Variants in ESYT2 observed in about 807,000 individuals in gnomAD.
The protein encoded by ESYT2 is extended synaptotagmin 2.
A neutral mutation model predicts 107.2 loss-of-function variants in ESYT2; 54 were observed. The observed-to-expected ratio is 0.50, with a 90% CI of 0.40 to 0.63. The LOEUF is 0.63. ESYT2 is among the 30% of genes least tolerant of loss of function. The probability of loss-of-function intolerance (pLI) is 0.00; values close to 1 mark genes in which losing one functional copy is unlikely to be tolerated. For missense variants in ESYT2, 1,020 were observed against 1,094.5 expected, an observed-to-expected ratio of 0.93 and a Z score of 0.96; for synonymous variants, 491 against 434.1, an observed-to-expected ratio of 1.13 and a Z score of -1.63.
chr7:158,795,530 A>G (rs1003439632), intron 3 of ESYT2, among the ~76,000 whole-genome samples: 1 of 152,196 alleles, frequency 6.6e-6, no homozygotes, highest in African/African-American at 2.4e-5. Flanking sequence ...TCACCTGGCT[A>G]AAGGGCTGTA....
At chr7:158,740,785 G>A (rs534668396) in intron 18 of ESYT2, among the ~76,000 whole-genome samples, 2 of 152,150 alleles carry the variant, frequency 1.3e-5, no homozygotes, top group Non-Finnish European at 2.9e-5. Context: ...TGGCTCAGAG[G>A]AGGGCGGCTG....
chr7:158,802,894 C>T (rs553614227), intron 1 of ESYT2, among the ~76,000 whole-genome samples: 10 of 152,334 alleles, frequency 6.6e-5, no homozygotes, highest in African/African-American at 2.2e-4. Flanking sequence ...ACTTGCCAAT[C>T]AAGTTCATTT....
rs1837208293 is a variant in ESYT2, at chr7:158,741,583, G to A, written c.2108C>T (p.Ser703Leu). 3 of 1,609,924 alleles carry A rather than the reference G, an allele frequency of 1.9e-6. No homozygotes were observed. The highest frequency in any genetic ancestry group is 2.5e-6 in the Non-Finnish European group (3 of 1,179,872). ...SVKEPTPSIA[S>L]DISLPIATQE... ...GGTGGCGATGGGCAGCGAGATGTCC[G>A]AGGCGATGCTGGGGGTCGGCTCCTT... Residue 703 changes from serine to leucine, a missense_variant, in exon 18 of 23, where the codon TCG (serine) becomes TTG (leucine). Physicochemically the swap from Ser to Leu is moderately radical, Grantham distance 145. Coordinates refer to ENST00000275418, the MANE Select transcript of ESYT2 (RefSeq NM_001367773.1).
At chr7:158,822,201 G>A (rs1283070497) in intron 1 of ESYT2, among the ~76,000 whole-genome samples, 1 of 152,046 alleles carries the variant, frequency 6.6e-6, no homozygotes, top group Non-Finnish European at 1.5e-5. Context: ...TGCAAGAGAC[G>A]ACAAAAGACC....
At chr7:158,756,142 T>A (rs567231260) in intron 13 of ESYT2, among the ~76,000 whole-genome samples, 7 of 152,198 alleles carry the variant, frequency 4.6e-5, no homozygotes, top group South Asian at 4.1e-4. Context: ...GAAATAGAAA[T>A]GAAAACTCTA....
At chr7:158,813,265 G>C (rs1236422259) in intron 1 of ESYT2, among the ~76,000 whole-genome samples, 1 of 152,202 alleles carries the variant, frequency 6.6e-6, no homozygotes, top group East Asian at 1.9e-4. Flanking sequence ...CAGACGGACA[G>C]GAAGAGTTGA....
Position 158,829,281 on chromosome 7 carries a change from C to A in ESYT2, c.138G>T (p.Leu46=). The change falls in exon 1 of 23, where the codon CTG becomes CTT. Residue 46 remains leucine, a synonymous_variant. Transcript: ENST00000275418. ...AGCCCAGCGCGTACACGGGCAGCAG[C>A]AGCGCGAAGCTCCGCGCCAGCTGCG... ...LLAQLARSFA[L]LLPVYALGYL... The A allele has an allele frequency of 2.6e-6, 4 of 1,516,286 alleles. No homozygotes were observed. Among genetic ancestry groups the A allele is most frequent in the Non-Finnish European group, 3.5e-6 (4 of 1,140,978 alleles). The allele number at this position is 1,516,286 out of a possible 1,614,324, so 93.9% of individuals were successfully genotyped here.
intron 4 of ESYT2, among the ~76,000 whole-genome samples, chr7:158,789,773 G>A (rs1368491069): frequency 6.6e-6 from 1 of 152,212 alleles, no homozygotes; most frequent in Non-Finnish European, 1.5e-5. Context: ...TATTTGTTCA[G>A]AGACATAAAT....
At chr7:158,749,944 T>C (rs1247117346) in intron 14 of ESYT2, among the ~76,000 whole-genome samples, 1 of 152,214 alleles carries the variant, frequency 6.6e-6, no homozygotes, top group African/African-American at 2.4e-5. Flanking sequence ...GGTTAGAGTC[T>C]GGTATTTTTA....
At chr7:158,775,412 A>G (rs1838527491) in intron 6 of ESYT2, among the ~76,000 whole-genome samples, 1 of 152,174 alleles carries the variant, frequency 6.6e-6, no homozygotes, top group South Asian at 2.1e-4. Context: ...TTACCCACAG[A>G]ACAGCTTTCA....
In ESYT2 at chr7:158,797,865, A is replaced by AG. The variant is rs11435272; in HGVS notation, c.507+76_507+77insC. On this transcript the variant is annotated intron_variant, in intron 3 of 22. Transcript: ENST00000275418. ...CGAGACTCCGTCTCAAGAAAAAAAA[A>AG]AAAAGAAAATGTGTTGTTTTGTGTT... The AG allele has an allele frequency of 1.4e-3, 2,173 of 1,558,174 alleles. 32 individuals are homozygous for AG. In the African/African-American group the frequency reaches 0.026, roughly 19 times the overall value.
In ESYT2 at chr7:158,743,697, A is replaced by C. The variant is rs2305477; in HGVS notation, c.1645-19T>G. 0.18 allele frequency: 280,300 copies of C among 1,562,858 alleles called. 32,774 individuals carry two copies. The highest frequency in any genetic ancestry group is 0.56 in the East Asian group (23,927 of 42,894). On this transcript the variant is annotated intron_variant, in intron 16 of 22. Transcript: ENST00000275418. ...CTCTGACCTGCAAAACACAGGGTGGAAACACTGGCATAACTAGGATCATGT... is the reference window on the plus strand; with the variant it reads ...CTCTGACCTGCAAAACACAGGGTGGCAACACTGGCATAACTAGGATCATGT...
intron 3 of ESYT2, among the ~76,000 whole-genome samples, chr7:158,796,734 CG>C (rs1360842132): frequency 6.6e-6 from 1 of 151,884 alleles, no homozygotes; most frequent in Non-Finnish European, 1.5e-5. Flanking sequence ...GCAGTGCGGG[CG>C]AGAGGGAAGC....
chr7:158,736,950 G>A, intron 20 of ESYT2, 98 bp downstream of exon 20: 16 of 1,502,502 alleles, frequency 1.1e-5, no homozygotes, highest in Non-Finnish European at 1.4e-5. Flanking sequence ...CTCAACAGCT[G>A]ATTTATGTGC....
intron 6 of ESYT2, among the ~76,000 whole-genome samples, chr7:158,785,220 C>G (rs1395551890): frequency 1.3e-5 from 2 of 152,084 alleles, no homozygotes; most frequent in Non-Finnish European, 2.9e-5. Flanking sequence ...GTCATAAGTT[C>G]AAGACCATCC....
At chr7:158,756,254 G>C (rs994781612) in intron 13 of ESYT2, among the ~76,000 whole-genome samples, 11 of 152,304 alleles carry the variant, frequency 7.2e-5, no homozygotes, top group African/African-American at 2.6e-4. Context: ...TAATGACTAA[G>C]ACGCTGTGGC....
intron 4 of ESYT2, among the ~76,000 whole-genome samples, chr7:158,790,020 C>T (rs548856508): frequency 2.6e-5 from 4 of 151,972 alleles, no homozygotes; most frequent in Admixed American, 1.3e-4. Context: ...GGTATCAGCC[C>T]AGTGGGGAGA....
intron 6 of ESYT2, among the ~76,000 whole-genome samples, chr7:158,781,753 T>C (rs1433519111): frequency 6.7e-6 from 1 of 149,304 alleles, no homozygotes; most frequent in East Asian, 2.0e-4. Context: ...GAACAAAGTG[T>C]GAGAGATGTG....
At chr7:158,787,824 C>A (rs974536311) in intron 6 of ESYT2, among the ~76,000 whole-genome samples, 180 bp downstream of exon 6, 2 of 152,130 alleles carry the variant, frequency 1.3e-5, no homozygotes, top group African/African-American at 4.8e-5. Context: ...AGCTGTTTAT[C>A]AAGAGATAAG....
Sources: gnomAD v4.1 joint callset for allele counts (sites outside exome capture counted in the v4.1 genomes callset) on GRCh38, gnomAD v4.1.1 for gene constraint, MANE v1.5 for transcripts, NCBI Gene and HGNC (gene_info 2026-07-23, HGNC 2026-07-21) for gene names.